SEC14L1: variants seen among roughly 807,000 people sequenced by gnomAD.
SEC14L1 encodes SEC14 like lipid binding 1.
SEC14L1 carries 48 observed loss-of-function variants against 85.3 expected under a neutral mutation model. That is an observed-to-expected ratio of 0.56 (90% CI 0.45 to 0.72). The LOEUF (loss-of-function observed/expected upper bound fraction) is 0.72. Ranked by LOEUF, SEC14L1 falls within the 30% of genes least tolerant of loss-of-function variation. SEC14L1 has a pLI of 0.00. For missense variants in SEC14L1, 682 were observed against 921.4 expected, an observed-to-expected ratio of 0.74 and a Z score of 3.36; for synonymous variants, 391 against 355.5, an observed-to-expected ratio of 1.10 and a Z score of -1.12.
At chr17:77,181,955 T>C (rs374953750) in intron 3 of SEC14L1, among the ~76,000 whole-genome samples, 2 of 152,160 alleles carry the variant, frequency 1.3e-5, no homozygotes, top group Admixed American at 1.3e-4. Flanking sequence ...TTTCTTGATA[T>C]GTTGAATACT....
At chr17:77,194,634 A>G in intron 6 of SEC14L1, 43 bp from the exon 7 acceptor site, 1 of 1,457,812 alleles carries the variant, frequency 6.9e-7, no homozygotes, top group Non-Finnish European at 9.6e-7. Context: ...AGTAATTTGA[A>G]TGTTGAATAT....
chr17:77,182,639 T>A (rs901252285), intron 3 of SEC14L1, among the ~76,000 whole-genome samples: 1 of 152,196 alleles, frequency 6.6e-6, no homozygotes, highest in Non-Finnish European at 1.5e-5. Flanking sequence ...TCGTCCAGCC[T>A]TTCTTGACTG....
At chr17:77,175,349 T>C (rs1359187641) in intron 3 of SEC14L1, among the ~76,000 whole-genome samples, 3 of 152,220 alleles carry the variant, frequency 2.0e-5, no homozygotes, top group Non-Finnish European at 4.4e-5. Flanking sequence ...TTGACTTTTA[T>C]ACACACTTCA....
At chr17:77,146,613 C>G (rs561978701) in intron 3 of SEC14L1, among the ~76,000 whole-genome samples, 1 of 150,226 alleles carries the variant, frequency 6.7e-6, no homozygotes, top group East Asian at 2.0e-4. Flanking sequence ...CCTTTTTTTT[C>G]TTTTTTTTAT....
intron 3 of SEC14L1, among the ~76,000 whole-genome samples, chr17:77,179,937 A>C (rs915024422): frequency 6.6e-6 from 1 of 152,096 alleles, no homozygotes; most frequent in Non-Finnish European, 1.5e-5. Context: ...TCAGCCTCCC[A>C]AAGTGCTGGG....
At chr17:77,128,441 TTTTATTTTATTTTATTATG>T (rs1972517362) in intron 3 of SEC14L1, among the ~76,000 whole-genome samples, 1 of 141,144 alleles carries the variant, frequency 7.1e-6, no homozygotes, top group African/African-American at 2.7e-5. Context: ...TTTTATTTTA[TTTTATTTTATTTTATTATG>T]TTTTTTTTTT....
chr17:77,147,253 C>T (rs553911756), intron 3 of SEC14L1, among the ~76,000 whole-genome samples: 7 of 152,060 alleles, frequency 4.6e-5, no homozygotes, highest in Non-Finnish European at 7.4e-5. Context: ...TTAGTATTGC[C>T]GGAAAATTGT....
chr17:77,185,337 C>T, intron 3 of SEC14L1: 1 of 985,438 alleles, frequency 1.0e-6, no homozygotes, highest in Non-Finnish European at 1.2e-6. Flanking sequence ...GAGTTAGCTG[C>T]TCCTTAGCCT....
In SEC14L1 at chr17:77,151,821, G is replaced by A. The variant is rs1973571797; in HGVS notation, c.63+8162G>A. Among the ~76,000 whole-genome samples the A allele has an allele frequency of 3.3e-5, 5 of 152,028 alleles. No homozygotes were observed. The South Asian group carries it at 1.0e-3, about 32-fold the overall frequency. On this transcript the variant is annotated intron_variant, in intron 3 of 16. Transcript: ENST00000436233. Reference sequence around the variant, plus strand: ...AGTTTGAGACCAGCCTGGGCAACGTGGTAAGACCCTGTCTCTAAAAAACAA... The same window carrying A: ...AGTTTGAGACCAGCCTGGGCAACGTAGTAAGACCCTGTCTCTAAAAAACAA...
intron 3 of SEC14L1, among the ~76,000 whole-genome samples, chr17:77,161,714 T>C (rs1327363621): frequency 1.4e-5 from 1 of 71,566 alleles, no homozygotes; most frequent in Admixed American, 1.2e-4. Context: ...AATTGGTTCT[T>C]TTTTTTTTTT....
chr17:77,182,235 C>A (rs1975070909), intron 3 of SEC14L1, among the ~76,000 whole-genome samples: 1 of 152,152 alleles, frequency 6.6e-6, no homozygotes, highest in Admixed American at 6.5e-5. Flanking sequence ...GCATTCAGCT[C>A]ATTAATTTTC....
intron 3 of SEC14L1, among the ~76,000 whole-genome samples, chr17:77,162,206 G>A (rs1974096738): frequency 3.3e-5 from 5 of 152,178 alleles, no homozygotes. Context: ...GCCAACCGAG[G>A]CCCCACGGGC....
At chr17:77,211,927 G>C in intron 14 of SEC14L1, 23 bp from the exon 15 acceptor site, 1 of 1,610,880 alleles carries the variant, frequency 6.2e-7, no homozygotes, top group East Asian at 2.2e-5. Flanking sequence ...GATCGTGGCT[G>C]CCTAACGCTG....
chr17:77,191,412 G>T, intron 5 of SEC14L1, 100 bp downstream of exon 5: 1 of 1,340,928 alleles, frequency 7.5e-7, no homozygotes, highest in Non-Finnish European at 1.1e-6. Context: ...TGTCTTAGAG[G>T]GCAGTTCTTC....
intron 7 of SEC14L1, among the ~76,000 whole-genome samples, chr17:77,195,544 G>A (rs982233774): frequency 2.0e-5 from 3 of 152,086 alleles, no homozygotes; most frequent in Non-Finnish European, 2.9e-5. Flanking sequence ...CTGCAGTGTA[G>A]TGGCACAATC....
chr17:77,118,414 T>C (rs1267993936), intron 3 of SEC14L1, among the ~76,000 whole-genome samples: 1 of 152,182 alleles, frequency 6.6e-6, no homozygotes, highest in Non-Finnish European at 1.5e-5. Context: ...CTGGGCCAAA[T>C]GGAATGTATG....
At chr17:77,179,038 T>G (rs1974886764) in intron 3 of SEC14L1, among the ~76,000 whole-genome samples, 1 of 152,184 alleles carries the variant, frequency 6.6e-6, no homozygotes, top group Non-Finnish European at 1.5e-5. Context: ...ATTTTGAAGT[T>G]TCTTTCTCCT....
chr17:77,151,398 C>T (rs1054084151), intron 3 of SEC14L1, among the ~76,000 whole-genome samples: 1 of 152,124 alleles, frequency 6.6e-6, no homozygotes, highest in African/African-American at 2.4e-5. Flanking sequence ...CTCCTTTGTA[C>T]AGAGCCAGAC....
chr17:77,147,208 T>C (rs571258176), intron 3 of SEC14L1, among the ~76,000 whole-genome samples: 35 of 152,344 alleles, frequency 2.3e-4, no homozygotes, highest in African/African-American at 7.7e-4. Flanking sequence ...TTAATGCCTT[T>C]GTTTGTTTGT....
Sources: gnomAD v4.1 joint callset for allele counts (sites outside exome capture counted in the v4.1 genomes callset) on GRCh38, gnomAD v4.1.1 for gene constraint, MANE v1.5 for transcripts, NCBI Gene and HGNC (gene_info 2026-07-23, HGNC 2026-07-21) for gene names.